MAF: variants seen among roughly 807,000 people sequenced by gnomAD.
MAF encodes the protein MAF bZIP transcription factor.
MAF carries 10 observed loss-of-function variants against 22.0 expected under a neutral mutation model. That is an observed-to-expected ratio of 0.45 (90% confidence interval 0.28 to 0.77). MAF has a LOEUF of 0.77. Ranked by LOEUF, MAF falls within the 30% of genes least tolerant of loss-of-function variation. MAF has a pLI of 0.12. For synonymous variants in MAF, 337 were observed against 255.8 expected, an observed-to-expected ratio of 1.32 and a Z score of -3.03; for missense variants, 544 against 548.4, an observed-to-expected ratio of 0.99 and a Z score of 0.08.
At chr16:79,486,233 T>A in the MAF span, among the ~76,000 whole-genome samples, 1 of 152,224 alleles carries the variant, frequency 6.6e-6, no homozygotes, top group South Asian at 2.1e-4. Context: ...GAAGCATTTC[T>A]GGTTCCCCTA....
the MAF span, among the ~76,000 whole-genome samples, chr16:79,537,273 C>G: frequency 6.6e-6 from 1 of 152,204 alleles, no homozygotes; most frequent in Non-Finnish European, 1.5e-5. Context: ...GAGGCTGCAA[C>G]AAAAGTATAT....
the MAF span, among the ~76,000 whole-genome samples, chr16:79,208,062 T>G: frequency 6.6e-6 from 1 of 152,212 alleles, no homozygotes; most frequent in African/African-American, 2.4e-5. Flanking sequence ...GCTGCAAATC[T>G]GACAGATGAT....
At chr16:79,291,993 C>G in the MAF span, among the ~76,000 whole-genome samples, 23,828 of 151,092 alleles carry the variant, frequency 0.16, 3,550 homozygotes, top group African/African-American at 0.4. Context: ...GTCCCTCTTT[C>G]AAACAGACGA....
At chr16:79,586,404 C>T (rs1443470551) in intron 1 of MAF, among the ~76,000 whole-genome samples, 1 of 152,198 alleles carries the variant, frequency 6.6e-6, no homozygotes, top group Non-Finnish European at 1.5e-5. Context: ...CCTTCTCTTC[C>T]ATCTGCCCCC....
At chr16:79,477,042 C>T in the MAF span, among the ~76,000 whole-genome samples, 5 of 152,152 alleles carry the variant, frequency 3.3e-5, no homozygotes, top group African/African-American at 9.7e-5. Context: ...TCAGGCATTT[C>T]TGACAAGGCC....
At chr16:79,444,374 A>G in the MAF span, among the ~76,000 whole-genome samples, 1 of 152,222 alleles carries the variant, frequency 6.6e-6, no homozygotes, top group Non-Finnish European at 1.5e-5. Context: ...AAATTAAAAT[A>G]TTAAGAAAAA....
chr16:79,383,194 C>A, the MAF span, among the ~76,000 whole-genome samples: 54 of 151,476 alleles, frequency 3.6e-4, 1 homozygote, highest in African/African-American at 1.3e-3. Context: ...GGAAGGGGTA[C>A]TTAAACTCCA....
the MAF span, among the ~76,000 whole-genome samples, chr16:79,218,525 C>A: frequency 2.6e-5 from 4 of 152,330 alleles, no homozygotes; most frequent in Admixed American, 1.3e-4. Context: ...ACAATGCTAT[C>A]TGGAAGGGTT....
the MAF span, among the ~76,000 whole-genome samples, chr16:79,217,746 G>A: frequency 1.3e-5 from 2 of 152,046 alleles, no homozygotes; most frequent in African/African-American, 4.8e-5. Context: ...ACCTGATTAA[G>A]GGAGACCTTG....
At chr16:79,531,323 G>C in the MAF span, among the ~76,000 whole-genome samples, 1 of 152,116 alleles carries the variant, frequency 6.6e-6, no homozygotes, top group Non-Finnish European at 1.5e-5. Context: ...AAGTTCTCTA[G>C]AGCAGCACTC....
chr16:79,272,252 T>C, the MAF span, among the ~76,000 whole-genome samples: 7 of 152,226 alleles, frequency 4.6e-5, no homozygotes, highest in Admixed American at 1.3e-4. Context: ...GGTGTTTCTC[T>C]ACAGCAAACA....
At chr16:79,406,926 C>G in the MAF span, among the ~76,000 whole-genome samples, 1 of 152,132 alleles carries the variant, frequency 6.6e-6, no homozygotes, top group Non-Finnish European at 1.5e-5. Context: ...GGGCACTCTC[C>G]TAACTCCTTG....
At chr16:79,598,016 A>AG (rs1317106826) in intron 1 of MAF, 12 of 1,008,160 alleles carry the variant, frequency 1.2e-5, no homozygotes, top group African/African-American at 1.8e-5. Flanking sequence ...AAGGTTCATG[A>AG]GGATTTTTTT....
the MAF span, among the ~76,000 whole-genome samples, chr16:79,359,920 A>G: frequency 6.6e-6 from 1 of 152,196 alleles, no homozygotes; most frequent in Admixed American, 6.5e-5. Flanking sequence ...ATGGGATATT[A>G]GATTGCCATC....
chr16:79,383,894 G>C, the MAF span, among the ~76,000 whole-genome samples: 2 of 152,188 alleles, frequency 1.3e-5, no homozygotes, highest in Non-Finnish European at 2.9e-5. Flanking sequence ...GTCAAGTCCT[G>C]TTTTAGATTG....
At chr16:79,358,579 C>A in the MAF span, among the ~76,000 whole-genome samples, 1 of 152,258 alleles carries the variant, frequency 6.6e-6, no homozygotes, top group Non-Finnish European at 1.5e-5. Context: ...AAGGATCCCA[C>A]CTTGGCAGCT....
At chr16:79,408,434 C>T in the MAF span, among the ~76,000 whole-genome samples, 1 of 152,100 alleles carries the variant, frequency 6.6e-6, no homozygotes, top group African/African-American at 2.4e-5. Flanking sequence ...CCTCAGCCTC[C>T]CAAAGCGCTG....
At chr16:79,244,992 G>A in the MAF span, among the ~76,000 whole-genome samples, 1 of 152,068 alleles carries the variant, frequency 6.6e-6, no homozygotes, top group Non-Finnish European at 1.5e-5. Flanking sequence ...GATAAACGGT[G>A]TTGGGAAAAC....
the MAF span, among the ~76,000 whole-genome samples, chr16:79,255,701 C>T: frequency 6.6e-6 from 1 of 152,158 alleles, no homozygotes; most frequent in Non-Finnish European, 1.5e-5. Context: ...TGAGGGAAGA[C>T]ACACCTGCTT....
Sources: gnomAD v4.1 joint callset for allele counts (sites outside exome capture counted in the v4.1 genomes callset) on GRCh38, gnomAD v4.1.1 for gene constraint, MANE v1.5 for transcripts, NCBI Gene and HGNC (gene_info 2026-07-23, HGNC 2026-07-21) for gene names.